TIMP2: variants seen among roughly 807,000 people sequenced by gnomAD.
TIMP2 encodes the protein metalloproteinase inhibitor 2.
In TIMP2, 5 loss-of-function variants were observed where a neutral mutation model predicts 24.3. The observed-to-expected ratio is 0.21, with a 90% CI of 0.11 to 0.43. TIMP2 has a LOEUF of 0.43. TIMP2 is among the 20% of genes least tolerant of loss of function. TIMP2 has a pLI of 1.00. For missense variants in TIMP2, 221 were observed against 297.5 expected (o/e 0.74, Z 1.89); for synonymous variants, 130 against 123.2 (o/e 1.06, Z -0.37).
intron 1 of TIMP2, among the ~76,000 whole-genome samples, chr17:78,893,163 G>A (rs1434958598): frequency 2.7e-5 from 4 of 149,792 alleles, no homozygotes; most frequent in Non-Finnish European, 4.5e-5. Context: ...GTGCAGGGGT[G>A]TGTGTGCATA....
intron 1 of TIMP2, among the ~76,000 whole-genome samples, chr17:78,908,256 T>C (rs915438121): frequency 6.6e-6 from 1 of 152,216 alleles, no homozygotes; most frequent in African/African-American, 2.4e-5. Flanking sequence ...TTCCGTAAGA[T>C]AAGCAAGACG....
At position 78,855,771 on chromosome 17, in the gene TIMP2, G is replaced by C; in HGVS notation, c.559C>G (p.Gln187Glu). Residue 187 changes from glutamine to glutamate, a missense_variant, in exon 5 of 5, where the codon CAG becomes GAG. Coordinates refer to ENST00000262768, the MANE Select transcript of TIMP2 (RefSeq NM_003255.5). The surrounding 1 kb of genome is among the most constrained non-coding windows in gnomAD (Gnocchi z 6.0). ...WVTEKNINGH[Q>E]AKFFACIKRS... is the part of the protein sequence containing the mutation. ...TTGATGCAGGCGAAGAACTTGGCCT[G>C]GTGCCCGTTGATGTTCTTCTCTGTG... 1 of 1,614,186 alleles carries C rather than the reference G, an allele frequency of 6.2e-7. No homozygotes were observed. Among genetic ancestry groups the C allele is most frequent in the Non-Finnish European group, 8.5e-7 (1 of 1,180,038 alleles).
chr17:78,873,858 G>C lies in TIMP2; in HGVS notation c.192C>G (p.Asn64Lys). The C allele has an allele frequency of 6.2e-7, 1 of 1,613,326 alleles. No individual in the cohort carries two copies. The change falls in exon 2 of 5, where the codon AAC (asparagine) becomes AAG (lysine). Residue 64 changes from asparagine (N) to lysine (K), a missense_variant. By Grantham distance (94) the Asn-to-Lys change is moderately conservative. Coordinates refer to ENST00000262768, the MANE Select transcript of TIMP2 (RefSeq NM_003255.5). ...TCTCATACTGGATCCTCTTGATAGG[G>C]TTGCCATAAATGTCGTTTCCAGAGT... ...EVDSGNDIYGNPIKRIQYEIK... is the reference protein window; with the variant it reads ...EVDSGNDIYGKPIKRIQYEIK...
chr17:78,901,230 T>C (rs1377567324), intron 1 of TIMP2: 1 of 154,340 alleles, frequency 6.5e-6, no homozygotes, highest in Non-Finnish European at 1.4e-5. Context: ...AGCTAAATGA[T>C]GGTCAACAGC....
At chr17:78,899,544 G>C (rs1406349149) in intron 1 of TIMP2, 1 of 152,278 alleles carries the variant, frequency 6.6e-6, no homozygotes, top group African/African-American at 2.4e-5. Flanking sequence ...CAGTTCACCA[G>C]CTGCCCTGCC....
chr17:78,916,733 C>A (rs1390788436), intron 1 of TIMP2, among the ~76,000 whole-genome samples: 1 of 152,196 alleles, frequency 6.6e-6, no homozygotes, highest in Non-Finnish European at 1.5e-5. Context: ...TCCCCGGAGT[C>A]CCACTGCCAG....
chr17:78,859,809 T>C (rs1218229792), intron 3 of TIMP2, among the ~76,000 whole-genome samples: 1 of 151,944 alleles, frequency 6.6e-6, no homozygotes, highest in Non-Finnish European at 1.5e-5. Context: ...CTGGCCAACA[T>C]GGTGAAACCC....
At chr17:78,892,097 C>T (rs763773404) in intron 1 of TIMP2, 111 of 1,551,722 alleles carry the variant, frequency 7.2e-5, no homozygotes, top group Admixed American at 9.8e-5. Context: ...GCCCAACAGA[C>T]GTGCTGACTG....
intron 1 of TIMP2, among the ~76,000 whole-genome samples, chr17:78,893,500 C>T (rs552800943): frequency 1.2e-3 from 164 of 140,866 alleles, no homozygotes; most frequent in Middle Eastern, 4.2e-3. Context: ...GGTGTGTGCG[C>T]GCAGGGGTGT....
intron 1 of TIMP2, among the ~76,000 whole-genome samples, chr17:78,900,355 G>A (rs1374823872): frequency 6.6e-6 from 1 of 152,090 alleles, no homozygotes; most frequent in East Asian, 1.9e-4. Flanking sequence ...AGACCAGCCT[G>A]ACCAACGTGG....
intron 1 of TIMP2, among the ~76,000 whole-genome samples, chr17:78,912,225 C>A (rs1238282966): frequency 1.3e-5 from 2 of 152,192 alleles, no homozygotes; most frequent in Non-Finnish European, 2.9e-5. Context: ...TTCATGTCGC[C>A]TCTTTTCTCT....
In TIMP2 at chr17:78,925,010, A is replaced by G. The variant is rs1425988221; in HGVS notation, c.79T>C (p.Cys27Arg). ...LATLLRPADA[C>R]SCSPVHPQQA... is the part of the protein sequence containing the mutation. ...TGCGGGTGCACCGGGGAGCAGCTGC[A>G]GGCGTCGGCCGGGCGAAGCAGCGTC... Residue 27 changes from cysteine (C) to arginine (R), a missense_variant, in exon 1 of 5, where the codon TGC becomes CGC. By Grantham distance (180) the Cys-to-Arg change is radical. Transcript: ENST00000262768. 1 of 1,246,424 alleles carries G rather than the reference A, an allele frequency of 8.0e-7. No individual in the cohort carries two copies. Among genetic ancestry groups the G allele is most frequent in the South Asian group, 2.3e-5 (1 of 43,724 alleles). The allele number at this position is 1,246,424 out of a possible 1,614,324, so 77.2% of individuals were successfully genotyped here.
chr17:78,862,809 G>A (rs2069578357), intron 3 of TIMP2, among the ~76,000 whole-genome samples: 1 of 152,202 alleles, frequency 6.6e-6, no homozygotes. Context: ...GAGAACATGT[G>A]GTATTTGGTT....
Position 78,891,343 on chromosome 17 carries a change from A to G in TIMP2, c.131-17424T>C, listed in dbSNP as rs547365048. The G allele has an allele frequency of 3.9e-6, 6 of 1,550,244 alleles. No individual in the cohort carries two copies. In the East Asian group the frequency reaches 1.5e-4, roughly 38 times the overall value. On this transcript the variant is annotated intron_variant, in intron 1 of 4. Coordinates refer to ENST00000262768, the MANE Select transcript of TIMP2 (RefSeq NM_003255.5). This position sits in a 1 kb window ranked among gnomAD's most constrained non-coding sequence, Gnocchi z 4.5. ...CCATTTTCTTCCCTCTTGGGGTCCC[A>G]GCGCCACACTCTTGCATCTCTGAGA... is the stretch of plus-strand genomic sequence containing the variant.
intron 1 of TIMP2, among the ~76,000 whole-genome samples, chr17:78,919,708 A>G (rs8075997): frequency 0.95 from 143,900 of 152,154 alleles, 68,077 homozygotes; most frequent in South Asian, 0.98. Flanking sequence ...GGTGGCGGGC[A>G]CCTGTAGTCC....
At chr17:78,862,211 C>A (rs1265051063) in intron 3 of TIMP2, among the ~76,000 whole-genome samples, 1 of 152,218 alleles carries the variant, frequency 6.6e-6, no homozygotes, top group Non-Finnish European at 1.5e-5. Context: ...GTGGCCCGCT[C>A]AGGCCATGCG....
intron 1 of TIMP2, among the ~76,000 whole-genome samples, chr17:78,913,167 GGCCGACT>G: frequency 6.6e-6 from 1 of 152,232 alleles, no homozygotes; most frequent in Non-Finnish European, 1.5e-5. Context: ...CATTTTGGGA[GGCCGACT>G]GCCGGCTACA....
chr17:78,883,986 C>T (rs938620794), intron 1 of TIMP2, among the ~76,000 whole-genome samples: 1 of 152,234 alleles, frequency 6.6e-6, no homozygotes, highest in African/African-American at 2.4e-5. Context: ...ATGCACCAGA[C>T]CCCGGGAGGA....
chr17:78,918,501 A>G (rs1418875200), intron 1 of TIMP2, among the ~76,000 whole-genome samples: 2 of 152,128 alleles, frequency 1.3e-5, no homozygotes, highest in Admixed American at 6.5e-5. Context: ...CCACTCTGAG[A>G]CATCCATGCT....
Sources: gnomAD v4.1 joint callset for allele counts (sites outside exome capture counted in the v4.1 genomes callset) on GRCh38, gnomAD v4.1.1 for gene constraint, Gnocchi (gnomAD v3.1) non-coding constraint, MANE v1.5 for transcripts, NCBI Gene and HGNC (gene_info 2026-07-23, HGNC 2026-07-21) for gene names.